Variants in C14orf39 observed in about 807,000 individuals in gnomAD.
C14orf39 encodes protein SIX6OS1.
In C14orf39, 66 loss-of-function variants were observed where a neutral mutation model predicts 85.6. The ratio of observed to expected loss-of-function variants is 0.77; its 90% CI spans 0.63 to 0.95. The LOEUF is 0.95. Ranked by LOEUF, C14orf39 falls within the 40% of genes least tolerant of loss-of-function variation. The probability of loss-of-function intolerance (pLI) is 0.00; values close to 1 mark genes in which losing one functional copy is unlikely to be tolerated. For synonymous variants in C14orf39, 242 were observed against 214.0 expected (o/e 1.13, Z -1.14); for missense variants, 735 against 663.9 (o/e 1.11, Z -1.18).
At chr14:60,507,289 C>T (rs1412095606) in intron 1 of C14orf39, among the ~76,000 whole-genome samples, 1 of 152,174 alleles carries the variant, frequency 6.6e-6, no homozygotes. Flanking sequence ...TTCATCCCTG[C>T]CCGGCCACCG....
chr14:60,500,732 C>G (rs768285555), intron 1 of C14orf39, among the ~76,000 whole-genome samples: 4 of 152,084 alleles, frequency 2.6e-5, no homozygotes, highest in Non-Finnish European at 4.4e-5. Flanking sequence ...AGAAAAACGT[C>G]CATAAGGATA....
intron 1 of C14orf39, among the ~76,000 whole-genome samples, chr14:60,513,344 A>G (rs1009789003): frequency 2.6e-5 from 4 of 152,194 alleles, no homozygotes; most frequent in Non-Finnish European, 5.9e-5. Context: ...GGTAGTTCCT[A>G]GAATGCTAAC....
chr14:60,481,267 A>G (rs932098985), intron 4 of C14orf39, among the ~76,000 whole-genome samples: 1 of 152,204 alleles, frequency 6.6e-6, no homozygotes, highest in African/African-American at 2.4e-5. Context: ...TGTATGGAAA[A>G]AAAAGACTGA....
chr14:60,478,319 C>T lies in C14orf39; in HGVS notation c.304G>A (p.Gly102Arg), dbSNP rs1193378838. Residue 102 changes from glycine (G) to arginine (R), a missense_variant, in exon 5 of 18, where the codon GGA becomes AGA. Transcript: ENST00000321731. ...YMQDQFTVYQ[G>R]TVEKDKEMYH... ...CTATACTTGTCTTTTTCAACAGTTC[C>T]TTGATAAACAGTAAATTGGTCCTGC... The T allele has an allele frequency of 6.4e-7, 1 of 1,565,766 alleles. No homozygotes were observed. Among genetic ancestry groups the T allele is most frequent in the Non-Finnish European group, 8.6e-7 (1 of 1,157,838 alleles).
chr14:60,473,046 C>T (rs1442863251), intron 5 of C14orf39, among the ~76,000 whole-genome samples: 1 of 152,132 alleles, frequency 6.6e-6, no homozygotes, highest in East Asian at 1.9e-4. Flanking sequence ...TCCTATTTCC[C>T]CACATCCTCT....
At chr14:60,498,486 C>T (rs556426051) in intron 2 of C14orf39, among the ~76,000 whole-genome samples, 4 of 152,334 alleles carry the variant, frequency 2.6e-5, no homozygotes, top group South Asian at 4.1e-4. Flanking sequence ...CAAACTCTAA[C>T]CTCATTTTCT....
At chr14:60,442,552 A>G (rs1890569702) in intron 16 of C14orf39, among the ~76,000 whole-genome samples, 1 of 152,168 alleles carries the variant, frequency 6.6e-6, no homozygotes. Flanking sequence ...AAAAAATGAG[A>G]TCATGACAGC....
rs780194093 is a variant in C14orf39, at chr14:60,466,008, C to A, written c.943G>T (p.Asp315Tyr). ...GTATCATTTTCTTTTTGTCTAAAGT[C>A]AATATTGGCAAGCTTTGACTGCTTC... Reference protein sequence around the residue: ...SAKQSKLANIDFRQKENDTQI... With the variant: ...SAKQSKLANIYFRQKENDTQI... Residue 315 changes from aspartate to tyrosine, a missense_variant, in exon 11 of 18, where the codon GAC becomes TAC. Coordinates refer to ENST00000321731, the MANE Select transcript of C14orf39 (RefSeq NM_174978.3). The A allele has an allele frequency of 1.3e-5, 20 of 1,564,210 alleles. No homozygotes were observed. Among genetic ancestry groups the A allele is most frequent in the Non-Finnish European group, 1.6e-5 (18 of 1,159,544 alleles).
rs982681965 is a variant in C14orf39, at chr14:60,491,721, C to G, written c.-8-6635G>C. On this transcript the variant is annotated intron_variant, in intron 2 of 5. Transcript: ENST00000556799. This position sits in a 1 kb window ranked among gnomAD's most constrained non-coding sequence, Gnocchi z 4.5. ...CTGGATTATTGTACTAACTTCCAAA[C>G]TGGTTTTGCCACATATCTACTCTAG... is the stretch of plus-strand genomic sequence containing the variant. Among the ~76,000 whole-genome samples the G allele has an allele frequency of 6.6e-6, 1 of 152,124 alleles. No homozygotes were observed. The highest frequency in any genetic ancestry group is 1.5e-5 in the Non-Finnish European group (1 of 68,002).
chr14:60,457,144 A>T (rs1426775499), intron 14 of C14orf39, 49 bp from the exon 15 acceptor site: 1 of 1,221,424 alleles, frequency 8.2e-7, no homozygotes, highest in Admixed American at 2.7e-5. Flanking sequence ...CTGCTGCATT[A>T]ATGACATACA....
At chr14:60,450,241 C>T (rs929656443) in intron 16 of C14orf39, among the ~76,000 whole-genome samples, 1 of 152,136 alleles carries the variant, frequency 6.6e-6, no homozygotes, top group Non-Finnish European at 1.5e-5. Flanking sequence ...GAGTTCAGGC[C>T]TAGGCTCTTG....
rs532006087 is a variant in C14orf39 at position 60,466,953 on chromosome 14, G to A, written c.859C>T (p.Pro287Ser). 8 of 1,472,660 alleles carry A rather than the reference G, an allele frequency of 5.4e-6. No individual in the cohort carries two copies. The highest frequency in any genetic ancestry group is 5.2e-5 in the East Asian group (2 of 38,234). The allele number at this position is 1,472,660 out of a possible 1,614,324, so 91.2% of individuals were successfully genotyped here. A position where few individuals can be genotyped will look rare whatever the true frequency, so the allele number is the denominator to read the frequency against. ...GGTTCTGAAGAATGCATCTTTATTG[G>A]TCTTACTAATTTCTGAGATTCATAA... ...LPYESQKLVR[P>S]IKMHSSEPRV... Residue 287 changes from proline to serine, a missense_variant, in exon 10 of 18, where the codon CCA becomes TCA. Transcript: ENST00000321731.
chr14:60,507,670 G>A (rs888869813), intron 1 of C14orf39, among the ~76,000 whole-genome samples: 2 of 152,086 alleles, frequency 1.3e-5, no homozygotes, highest in African/African-American at 4.8e-5. Flanking sequence ...CTCAGGCGTG[G>A]CGTGATCTGA....
chr14:60,485,213 G>T (rs1892825298), intron 1 of C14orf39, 127 bp from the exon 2 acceptor site: 1 of 754,838 alleles, frequency 1.3e-6, no homozygotes, highest in African/African-American at 1.8e-5. Context: ...AGAACTGGAA[G>T]ACGAGAGGCC....
Position 60,436,559 on chromosome 14 carries a change from T to C in C14orf39, c.*286A>G, listed in dbSNP as rs1890258137. 3 of 201,962 alleles carry C rather than the reference T, an allele frequency of 1.5e-5. No individual in the cohort carries two copies. Among genetic ancestry groups the C allele is most frequent in the Admixed American group, 1.2e-4 (2 of 17,164 alleles). The allele number at this position is 201,962 out of a possible 1,614,324, so 12.5% of individuals were successfully genotyped here. ...TCCAAGGAGAAGCAGGCTTAATATTTAAATAAAGAGTAATGAAAAAAGCAT... is the reference window on the plus strand; with the variant it reads ...TCCAAGGAGAAGCAGGCTTAATATTCAAATAAAGAGTAATGAAAAAAGCAT... On this transcript the variant is annotated 3_prime_UTR_variant, in exon 18 of 18. Transcript: ENST00000321731.
chr14:60,509,949 G>C (rs772792063), intron 1 of C14orf39: 8 of 1,607,012 alleles, frequency 5.0e-6, no homozygotes, highest in Non-Finnish European at 6.8e-6. Context: ...CAAAGGGACC[G>C]AGCGGCTGCA....
At position 60,456,966 on chromosome 14, in the gene C14orf39, G is replaced by A. The variant is rs114644048; in HGVS notation, c.1309C>T (p.Pro437Ser). Reference protein sequence around the residue: ...FLGTPKAVKAPESLEKIKFPK... With the variant: ...FLGTPKAVKASESLEKIKFPK... Reference sequence around the variant, plus strand: ...AATTTTATTTTCTCCAATGACTCAGGTGCTTTCACAGCTTTGGGAGTTCCT... The same window carrying A: ...AATTTTATTTTCTCCAATGACTCAGATGCTTTCACAGCTTTGGGAGTTCCT... The change falls in exon 15 of 18, where the codon CCT becomes TCT. Residue 437 changes from proline to serine, a missense_variant. Pro to Ser is a moderately conservative substitution (Grantham distance 74). Transcript: ENST00000321731. The A allele has an allele frequency of 1.1e-3, 1,778 of 1,605,054 alleles. 27 individuals are homozygous for A. The African/African-American group carries it at 0.022, about 20-fold the overall frequency.
At position 60,472,866 on chromosome 14, in the gene C14orf39, C is replaced by T. The variant is rs565557952; in HGVS notation, c.324-1127G>A. 5.9e-5 allele frequency among the ~76,000 whole-genome samples: 9 copies of T among 152,204 alleles called. No individual in the cohort carries two copies. In the East Asian group the frequency reaches 9.6e-4, roughly 16 times the overall value. ...TGTGAATAGTGCCGCAATAAACATA[C>T]GTGTGCATGTGTCTTTATAGCAGCA... On this transcript the variant is annotated intron_variant, in intron 5 of 17. Transcript: ENST00000321731.
rs753708028 is a variant in C14orf39 at position 60,467,026 on chromosome 14, C to T, written c.786G>A (p.Glu262=). 3.1e-5 allele frequency: 42 copies of T among 1,363,470 alleles called. No homozygotes were observed. Among genetic ancestry groups the T allele is most frequent in the Non-Finnish European group, 3.9e-5 (40 of 1,033,052 alleles). 84.5% of individuals were successfully genotyped at this position (1,363,470 alleles called of 1,614,324 possible). ...ELKERIFGKD[E]HVLTLNKTQS... ...GAGTTTTATTCAATGTAAGTACATGCTCATCTTTTCCAAAAATTCTAAAGA... is the reference window on the plus strand; with the variant it reads ...GAGTTTTATTCAATGTAAGTACATGTTCATCTTTTCCAAAAATTCTAAAGA... Residue 262 remains glutamate (E), a synonymous_variant, in exon 10 of 18, where the codon GAG becomes GAA. Coordinates refer to ENST00000321731, the MANE Select transcript of C14orf39 (RefSeq NM_174978.3).
Sources: allele counts gnomAD v4.1 joint callset (sites outside exome capture counted in the v4.1 genomes callset), GRCh38; gene constraint gnomAD v4.1.1; non-coding constraint Gnocchi (gnomAD v3.1); transcripts MANE v1.5; gene names NCBI Gene and HGNC (gene_info 2026-07-23, HGNC 2026-07-21).